Variants in ZFR observed in about 807,000 individuals in gnomAD.
ZFR encodes zinc finger RNA-binding protein.
Under a neutral mutation model 130.7 loss-of-function variants are expected in ZFR, and 19 were observed. That is an observed-to-expected ratio of 0.15 (90% CI 0.10 to 0.21). The LOEUF is 0.21. Among genes scored for constraint, ZFR ranks in the 10% least tolerant of loss-of-function variants. ZFR has a pLI of 1.00. For missense variants in ZFR, 872 were observed against 1,321.5 expected (o/e 0.66, Z 5.27); for synonymous variants, 466 against 456.9 (o/e 1.02, Z -0.25).
intron 5 of ZFR, among the ~76,000 whole-genome samples, chr5:32,410,283 CAAAA>C (rs3065266): frequency 6.2e-5 from 7 of 113,162 alleles, no homozygotes; most frequent in Admixed American, 2.0e-4. Flanking sequence ...ACACTGTCTC[CAAAA>C]AAAAAAAAAA....
intron 5 of ZFR, among the ~76,000 whole-genome samples, chr5:32,411,287 T>C (rs1159952319): frequency 6.6e-6 from 1 of 152,132 alleles, no homozygotes; most frequent in African/African-American, 2.4e-5. Context: ...ACTGGGCAAA[T>C]TTAAAACTGT....
At chr5:32,404,155 T>A (rs1283444349) in intron 6 of ZFR, 58 bp from the exon 7 acceptor site, 1 of 1,438,284 alleles carries the variant, frequency 7.0e-7, no homozygotes, top group Admixed American at 2.2e-5. Context: ...ACATTAAGAT[T>A]ATTCAATTCT....
At chr5:32,390,537 A>C in intron 11 of ZFR, 100 bp from the exon 12 acceptor site, 11 of 1,151,138 alleles carry the variant, frequency 9.6e-6, no homozygotes, top group African/African-American at 1.5e-5. Context: ...CCCCACCAAC[A>C]TCAGCCTAGC....
At chr5:32,379,686 A>T (rs868178227) in intron 16 of ZFR, 6 of 188,984 alleles carry the variant, frequency 3.2e-5, no homozygotes, top group African/African-American at 1.4e-4. Flanking sequence ...AAAGAGGGGG[A>T]AAAAAATCTT....
chr5:32,444,536 G>A, intron 1 of ZFR, 86 bp downstream of exon 1: 1 of 1,404,636 alleles, frequency 7.1e-7, no homozygotes, highest in Non-Finnish European at 9.3e-7. Flanking sequence ...CTCCTCCCCG[G>A]AGCCTGCCCC....
At chr5:32,405,498 C>T (rs184377681) in intron 6 of ZFR, among the ~76,000 whole-genome samples, 5 of 152,286 alleles carry the variant, frequency 3.3e-5, no homozygotes, top group Admixed American at 1.3e-4. Context: ...AAATAGCCAG[C>T]CTTATATGCA....
At chr5:32,387,863 A>G (rs1052691246) in intron 13 of ZFR, among the ~76,000 whole-genome samples, 164 bp from the exon 14 acceptor site, 2 of 152,152 alleles carry the variant, frequency 1.3e-5, no homozygotes, top group Non-Finnish European at 2.9e-5. Context: ...TCATTTAAGC[A>G]ATGTGGATAA....
chr5:32,417,149 T>C (rs998940542), intron 4 of ZFR, among the ~76,000 whole-genome samples: 26 of 146,878 alleles, frequency 1.8e-4, no homozygotes, highest in Admixed American at 1.7e-3. Flanking sequence ...TCTTTTAAAG[T>C]CTGTAAATAT....
chr5:32,413,882 AATGTCTTTCTACCATC>A (rs1197830201), intron 5 of ZFR, among the ~76,000 whole-genome samples: 2 of 152,178 alleles, frequency 1.3e-5, no homozygotes, highest in Admixed American at 1.3e-4. Context: ...TAGATTATAA[AATGTCTTTCTACCATC>A]ATTCATACTG....
intron 2 of ZFR, among the ~76,000 whole-genome samples, chr5:32,432,898 GT>G (rs35127723): frequency 0.28 from 39,191 of 140,952 alleles, 5,969 homozygotes; most frequent in Middle Eastern, 0.44. Context: ...CTGGCTAATT[GT>G]TTTTTTTTTT....
At chr5:32,407,692 A>T (rs1003859535) in intron 5 of ZFR, among the ~76,000 whole-genome samples, 1 of 152,112 alleles carries the variant, frequency 6.6e-6, no homozygotes, top group African/African-American at 2.4e-5. Flanking sequence ...GGAATTAGGG[A>T]CCAATACATT....
chr5:32,356,965 T>G (rs1040403257), intron 19 of ZFR, among the ~76,000 whole-genome samples: 6 of 152,116 alleles, frequency 3.9e-5, no homozygotes, highest in African/African-American at 1.4e-4. Flanking sequence ...CTCACAAGTA[T>G]GATGGGCAAA....
In ZFR at chr5:32,421,076, T is replaced by G. The variant is rs925214; in HGVS notation, c.138-973A>C. Among the ~76,000 whole-genome samples the G allele has an allele frequency of 4.1e-3, 627 of 152,320 alleles. 21 individuals are homozygous for G. The highest frequency in any genetic ancestry group is 0.035 in the East Asian group (179 of 5,188). The stretch of plus-strand genomic sequence containing the variant: ...AGTTCTTACAGGAATATGTTTATTT[T>G]AACTTTTAAACTGAAAGCCTATATC... On this transcript the variant is annotated intron_variant, in intron 2 of 19. Transcript: ENST00000265069.
chr5:32,437,691 A>C (rs183457213), intron 2 of ZFR, among the ~76,000 whole-genome samples: 2 of 152,270 alleles, frequency 1.3e-5, no homozygotes, highest in Admixed American at 1.3e-4. Flanking sequence ...TCTGAGTAAA[A>C]ATGTAGCTGA....
chr5:32,386,697 TAAA>T (rs1438037136), intron 14 of ZFR, among the ~76,000 whole-genome samples: 1 of 152,240 alleles, frequency 6.6e-6, no homozygotes, highest in Non-Finnish European at 1.5e-5. Context: ...AATGGTAATA[TAAA>T]ACAAGCAACA....
chr5:32,427,306 G>A (rs115724699), intron 2 of ZFR, among the ~76,000 whole-genome samples: 2,530 of 145,082 alleles, frequency 0.017, 37 homozygotes, highest in Middle Eastern at 0.027. Context: ...GATCACCTGA[G>A]CCCAGGAGGT....
intron 16 of ZFR, 63 bp downstream of exon 16, chr5:32,380,012 C>T: frequency 7.4e-7 from 1 of 1,352,874 alleles, no homozygotes; most frequent in South Asian, 1.2e-5. Flanking sequence ...CACAGTTAAA[C>T]ATGTTGTACT....
In ZFR at chr5:32,387,711, T is replaced by C. The variant is rs762187887; in HGVS notation, c.2349-12A>G. 3.6e-5 allele frequency: 58 copies of C among 1,598,266 alleles called. No homozygotes were observed. Among genetic ancestry groups the C allele is most frequent in the Non-Finnish European group, 5.0e-5 (58 of 1,171,576 alleles). On this transcript the variant is annotated splice_polypyrimidine_tract_variant and intron_variant, in intron 13 of 19. Transcript: ENST00000265069. ...CTCCTTTCAAAGCTCTGCAGTAAAA[T>C]AAAATTATATTATGATATTTCTCTG...
intron 1 of ZFR, 100 bp from the exon 2 acceptor site, chr5:32,444,428 G>A: frequency 1.4e-6 from 2 of 1,399,902 alleles, no homozygotes; most frequent in Non-Finnish European, 1.9e-6. Flanking sequence ...GAGGCGCCGT[G>A]AGAGCAGCCC....
Sources: gnomAD v4.1 joint callset for allele counts (sites outside exome capture counted in the v4.1 genomes callset) on GRCh38, gnomAD v4.1.1 for gene constraint, MANE v1.5 for transcripts, NCBI Gene and HGNC (gene_info 2026-07-23, HGNC 2026-07-21) for gene names.